SMOC2: variants seen among roughly 807,000 people sequenced by gnomAD.
SMOC2 encodes the protein SPARC-related modular calcium-binding protein 2.
In SMOC2, 39 loss-of-function variants were observed where a neutral mutation model predicts 61.4. The ratio of observed to expected loss-of-function variants is 0.64; its 90% CI spans 0.49 to 0.83. SMOC2 has a LOEUF of 0.83. Among genes scored for constraint, SMOC2 ranks in the 40% least tolerant of loss-of-function variants. SMOC2 has a pLI of 0.00. For missense variants in SMOC2, 556 were observed against 592.9 expected (o/e 0.94, Z 0.65); for synonymous variants, 247 against 239.9 (o/e 1.03, Z -0.27).
At chr6:168,462,478 C>G (rs553796950) in intron 1 of SMOC2, among the ~76,000 whole-genome samples, 1 of 152,054 alleles carries the variant, frequency 6.6e-6, no homozygotes, top group African/African-American at 2.4e-5. Context: ...TCCCAGCTCT[C>G]GAAGGTCCGG....
chr6:168,495,094 G>A (rs1314005287), intron 1 of SMOC2, among the ~76,000 whole-genome samples: 1 of 152,242 alleles, frequency 6.6e-6, no homozygotes, highest in Non-Finnish European at 1.5e-5. Context: ...GAGCAAAACA[G>A]GGTGGGCTCA....
chr6:168,526,523 G>A, intron 3 of SMOC2, 71 bp downstream of exon 3: 1 of 1,288,256 alleles, frequency 7.8e-7, no homozygotes, highest in Non-Finnish European at 1.1e-6. Flanking sequence ...GGTGTGGGGA[G>A]AAGGCAGGTG....
At chr6:168,550,308 G>A (rs1784101097) in intron 7 of SMOC2, among the ~76,000 whole-genome samples, 1 of 152,068 alleles carries the variant, frequency 6.6e-6, no homozygotes, top group African/African-American at 2.4e-5. Context: ...CTTTATCTGT[G>A]GTTATGCATC....
At chr6:168,462,203 G>A (rs971442984) in intron 1 of SMOC2, among the ~76,000 whole-genome samples, 2 of 152,118 alleles carry the variant, frequency 1.3e-5, no homozygotes, top group East Asian at 1.9e-4. Flanking sequence ...GAACCCATCA[G>A]TTTAGCTTGC....
chr6:168,570,206 G>A (rs937438926), intron 7 of SMOC2, among the ~76,000 whole-genome samples: 5 of 152,144 alleles, frequency 3.3e-5, no homozygotes, highest in African/African-American at 4.8e-5. Flanking sequence ...TTGGCCATGG[G>A]CTGAGCAGCC....
rs1283977655 is a variant in SMOC2 at position 168,535,512 on chromosome 6, T to G, written c.463+7785T>G. On this transcript the variant is annotated intron_variant, in intron 4 of 12. Coordinates refer to ENST00000356284, the MANE Select transcript of SMOC2 (RefSeq NM_001166412.2). This position sits in a 1 kb window ranked among gnomAD's most constrained non-coding sequence, Gnocchi z 4.6. ...GGTCTCAAATCAGAAATCAGTAAATTCAGAACATTCCTTTTATCAGATGCA... is the reference window on the plus strand; with the variant it reads ...GGTCTCAAATCAGAAATCAGTAAATGCAGAACATTCCTTTTATCAGATGCA... 6.6e-6 allele frequency among the ~76,000 whole-genome samples: 1 copy of G among 152,166 alleles called. No individual in the cohort carries two copies. Among genetic ancestry groups the G allele is most frequent in the East Asian group, 1.9e-4 (1 of 5,194 alleles).
rs547242092 is a variant in SMOC2, at chr6:168,596,924, GCTT to G, written c.638-1888_638-1886del. 8.7e-4 allele frequency among the ~76,000 whole-genome samples: 132 copies of G among 152,322 alleles called. 1 individual carries two copies. The highest frequency in any genetic ancestry group is 3.0e-3 in the African/African-American group (123 of 41,576). ...TTCAGTCATTGACAAATTTCTTTCT[GCTT>G]CTTCTCTTGTTCATTAAACCGATTT... On this transcript the variant is annotated intron_variant, in intron 7 of 12. Transcript: ENST00000356284.
In SMOC2 at chr6:168,626,683, C is replaced by T. The variant is rs1044268949; in HGVS notation, c.907+18444C>T. Among the ~76,000 whole-genome samples the T allele has an allele frequency of 3.3e-5, 5 of 152,178 alleles. No homozygotes were observed. The South Asian group carries it at 1.0e-3, about 32-fold the overall frequency. The stretch of plus-strand genomic sequence containing the variant: ...AGCCAAACATCATTTAGCAAAAGTG[C>T]GTGGCAACTTAACGCGTTCTGTTAC... On this transcript the variant is annotated intron_variant, in intron 9 of 12. Transcript: ENST00000356284.
At chr6:168,499,539 C>A (rs1301405006) in intron 1 of SMOC2, among the ~76,000 whole-genome samples, 1 of 152,134 alleles carries the variant, frequency 6.6e-6, no homozygotes, top group East Asian at 1.9e-4. Context: ...GAGAGTCAAA[C>A]CTTCAGGTTA....
rs746280404 is a variant in SMOC2 at position 168,599,036 on chromosome 6, C to A, written c.824+32C>A. The A allele has an allele frequency of 3.9e-6, 6 of 1,539,782 alleles. No homozygotes were observed. In the African/African-American group the frequency reaches 8.2e-5, roughly 21 times the overall value. On this transcript the variant is annotated intron_variant, in intron 8 of 12. Transcript: ENST00000356284. ...AGGGTGCACCCACCCCCCCCGGGACCATGGGAGGCTTTGGGGTGTGGAAGC... is the reference window on the plus strand; with the variant it reads ...AGGGTGCACCCACCCCCCCCGGGACAATGGGAGGCTTTGGGGTGTGGAAGC...
Position 168,441,423 on chromosome 6 carries a change from C to A in SMOC2, c.53C>A (p.Pro18Gln). ...CCGCTGCTCGCTGGGCTGCTCCCGC[C>A]GGTGCCCGCTCAGAAGTTCTCGGCG... Reference protein sequence around the residue: ...WLPLLAGLLPPVPAQKFSALT... With the variant: ...WLPLLAGLLPQVPAQKFSALT... Residue 18 changes from proline to glutamine, a missense_variant, in exon 1 of 13, where the codon CCG becomes CAG. Transcript: ENST00000356284. 4.6e-6 allele frequency: 7 copies of A among 1,510,186 alleles called. No individual in the cohort carries two copies. Among genetic ancestry groups the A allele is most frequent in the Non-Finnish European group, 5.3e-6 (6 of 1,133,254 alleles). 93.5% of individuals were successfully genotyped at this position (1,510,186 alleles called of 1,614,324 possible). A position where few individuals can be genotyped will look rare whatever the true frequency, so the allele number is the denominator to read the frequency against.
chr6:168,545,090 C>T (rs1275605985), intron 5 of SMOC2, among the ~76,000 whole-genome samples: 3 of 151,816 alleles, frequency 2.0e-5, no homozygotes, highest in Admixed American at 1.3e-4. Context: ...TGAACTGAGT[C>T]GAGAAGATAA....
intron 7 of SMOC2, among the ~76,000 whole-genome samples, chr6:168,555,819 C>T (rs1266732859): frequency 1.3e-5 from 2 of 152,122 alleles, no homozygotes; most frequent in Non-Finnish European, 2.9e-5. Flanking sequence ...GCCCTGAGCA[C>T]CTGTTTCTGT....
chr6:168,457,348 C>T (rs1781609435), intron 1 of SMOC2, among the ~76,000 whole-genome samples: 1 of 152,186 alleles, frequency 6.6e-6, no homozygotes, highest in Non-Finnish European at 1.5e-5. Context: ...GGATGCCACC[C>T]ATCCAACCCC....
chr6:168,602,063 T>G (rs1370727241), intron 8 of SMOC2, among the ~76,000 whole-genome samples: 1 of 152,212 alleles, frequency 6.6e-6, no homozygotes, highest in Non-Finnish European at 1.5e-5. Context: ...AAATACTGAT[T>G]ATCAACAACA....
chr6:168,598,903 G>C lies in SMOC2; in HGVS notation c.723G>C (p.Ala241=). The part of the protein sequence containing the change: ...KNDNVVIPEC[A]HGGLYKPVQC... The stretch of plus-strand genomic sequence containing the variant: ...ACAATGTGGTGATCCCTGAGTGTGC[G>C]CACGGCGGCCTCTACAAGCCAGTGC... Residue 241 remains alanine (A), a synonymous_variant, in exon 8 of 13, where the codon GCG becomes GCC. Coordinates refer to ENST00000356284, the MANE Select transcript of SMOC2 (RefSeq NM_001166412.2). 1 of 1,613,778 alleles carries C rather than the reference G, an allele frequency of 6.2e-7. No individual in the cohort carries two copies.
chr6:168,463,582 A>G (rs1419507079), intron 1 of SMOC2, among the ~76,000 whole-genome samples: 2 of 152,184 alleles, frequency 1.3e-5, no homozygotes, highest in African/African-American at 4.8e-5. Context: ...GGGGAGTGTG[A>G]GAAAATGAAG....
intron 9 of SMOC2, among the ~76,000 whole-genome samples, chr6:168,626,873 G>A (rs1034740405): frequency 3.9e-5 from 6 of 152,158 alleles, no homozygotes; most frequent in African/African-American, 1.4e-4. Flanking sequence ...ATAGAGACCC[G>A]GGGCCCTGAC....
intron 1 of SMOC2, among the ~76,000 whole-genome samples, chr6:168,505,458 A>C (rs965023980): frequency 4.0e-5 from 6 of 148,640 alleles, no homozygotes; most frequent in African/African-American, 1.5e-4. Flanking sequence ...TGAAATGTCC[A>C]TCTCTCAGAT....
Sources: allele counts gnomAD v4.1 joint callset (sites outside exome capture counted in the v4.1 genomes callset), GRCh38; gene constraint gnomAD v4.1.1; non-coding constraint Gnocchi (gnomAD v3.1); transcripts MANE v1.5; gene names NCBI Gene and HGNC (gene_info 2026-07-23, HGNC 2026-07-21).